MRPL30: variants seen among roughly 807,000 people sequenced by gnomAD.
MRPL30 encodes mitochondrial ribosomal protein L30, also known as large ribosomal subunit protein uL30m.
MRPL30 carries 10 observed loss-of-function variants against 17.2 expected under a neutral mutation model. The observed-to-expected ratio is 0.58, with a 90% CI of 0.36 to 0.99. The LOEUF is 0.99. Among genes scored for constraint, MRPL30 ranks in the 50% least tolerant of loss-of-function variants. The probability of loss-of-function intolerance (pLI) is 0.01; values close to 1 mark genes in which losing one functional copy is unlikely to be tolerated. For synonymous variants in MRPL30, 61 were observed against 62.1 expected (o/e 0.98, Z 0.08); for missense variants, 170 against 189.8 (o/e 0.90, Z 0.61).
Position 99,195,169 on chromosome 2 carries a change from A to C in MRPL30, c.333A>C (p.Lys111Asn). The C allele has an allele frequency of 1.2e-6, 2 of 1,608,446 alleles. No homozygotes were observed. The highest frequency in any genetic ancestry group is 1.1e-5 in the South Asian group (1 of 89,790). The change falls in exon 5 of 6, where the codon AAA (lysine) becomes AAC (asparagine). Residue 111 changes from lysine (K) to asparagine (N), a missense_variant. Transcript: ENST00000338148. ...KNIPSVNAKL[K>N]VVKHLIRIKP... ...TCCCTTCAGTGAATGCAAAATTGAA[A>C]GTAGTTAAGCATTTGATAAGGTTTG... is the stretch of plus-strand genomic sequence containing the variant.
chr2:99,183,340 G>A (rs1223507782), intron 1 of MRPL30, among the ~76,000 whole-genome samples: 1 of 152,098 alleles, frequency 6.6e-6, no homozygotes. Flanking sequence ...GAGCCCAGGC[G>A]GGCGGATCAC....
Position 99,195,679 on chromosome 2 carries a change from G to A in MRPL30, c.460G>A (p.Val154Met). 1.2e-6 allele frequency: 2 copies of A among 1,613,388 alleles called. No individual in the cohort carries two copies. The highest frequency in any genetic ancestry group is 1.3e-5 in the African/African-American group (1 of 74,976). Residue 154 changes from valine (V) to methionine (M), a missense_variant, in exon 6 of 6, where the codon GTG (valine) becomes ATG (methionine). Transcript: ENST00000338148. ...ELVVQWHLKP[V>M]EQKAHES ...AGTAGTGCAGTGGCATCTGAAACCT[G>A]TGGAGCAGAAAGCACATGAGTCCTA...
chr2:99,195,090 C>T (rs1461109391), intron 4 of MRPL30, 26 bp from the exon 5 acceptor site: 4 of 1,544,752 alleles, frequency 2.6e-6, no homozygotes, highest in African/African-American at 1.4e-5. Context: ...AGATTGATAA[C>T]GTTGCTTTGT....
At chr2:99,185,531 CA>C (rs371220561) in intron 1 of MRPL30, among the ~76,000 whole-genome samples, 450 of 152,244 alleles carry the variant, frequency 3.0e-3, no homozygotes, top group African/African-American at 0.01. Context: ...TAGTAGGCTA[CA>C]GTTGTTTTGT....
intron 1 of MRPL30, among the ~76,000 whole-genome samples, chr2:99,184,103 G>A (rs540084819): frequency 2.1e-5 from 3 of 143,784 alleles, no homozygotes; most frequent in Admixed American, 1.4e-4. Flanking sequence ...TATTTATTTT[G>A]GTTTGGATTA....
At chr2:99,182,699 G>C (rs1436480987) in intron 1 of MRPL30, among the ~76,000 whole-genome samples, 1 of 152,214 alleles carries the variant, frequency 6.6e-6, no homozygotes, top group Non-Finnish European at 1.5e-5. Context: ...CTAAAAACTT[G>C]TAACTTTTGA....
intron 1 of MRPL30, among the ~76,000 whole-genome samples, chr2:99,184,412 T>C (rs371186520): frequency 2.0e-5 from 3 of 152,168 alleles, no homozygotes. Context: ...CTGTAATTAC[T>C]TCTATATCCC....
At position 99,181,209 on chromosome 2, in the gene MRPL30, C is replaced by T. The variant is rs1033203160; in HGVS notation, c.-68C>T. The T allele has an allele frequency of 1.3e-5, 7 of 528,896 alleles. No homozygotes were observed. Among genetic ancestry groups the T allele is most frequent in the South Asian group, 2.8e-5 (1 of 35,168 alleles). The allele number at this position is 528,896 out of a possible 1,614,324, so 32.8% of individuals were successfully genotyped here. A position where few individuals can be genotyped will look rare whatever the true frequency, so the allele number is the denominator to read the frequency against. ...GTAGTTCTTCCTCTGCTCTGCTTCCCTTCGGAGGAAAATTTCAGGCTGAAG... is the reference window on the plus strand; with the variant it reads ...GTAGTTCTTCCTCTGCTCTGCTTCCTTTCGGAGGAAAATTTCAGGCTGAAG... On this transcript the variant is annotated 5_prime_UTR_variant, in exon 1 of 6. Transcript: ENST00000338148.
intron 2 of MRPL30, 111 bp downstream of exon 2, chr2:99,186,365 C>G: frequency 1.1e-6 from 1 of 949,190 alleles, no homozygotes; most frequent in Admixed American, 2.4e-5. Context: ...CGAAGTCTCT[C>G]TCTGTCACCC....
Position 99,196,709 on chromosome 2 carries a change from T to G in MRPL30, c.*1004T>G, listed in dbSNP as rs773229100. On this transcript the variant is annotated 3_prime_UTR_variant, in exon 6 of 6. Transcript: ENST00000338148. ...AAATCCAAAGCTGACCAAAACATGGTCCCCACCTTTTGGAGCTTACAGTCT... is the reference window on the plus strand; with the variant it reads ...AAATCCAAAGCTGACCAAAACATGGGCCCCACCTTTTGGAGCTTACAGTCT... The G allele has an allele frequency of 6.6e-6, 1 of 152,218 alleles. No homozygotes were observed. Among genetic ancestry groups the G allele is most frequent in the Non-Finnish European group, 1.5e-5 (1 of 68,040 alleles). 9.4% of individuals were successfully genotyped at this position (152,218 alleles called of 1,614,324 possible).
At position 99,195,145 on chromosome 2, in the gene MRPL30, C is replaced by A. The variant is rs1300837004; in HGVS notation, c.309C>A (p.Ile103=). The A allele has an allele frequency of 7.5e-6, 12 of 1,604,714 alleles. No homozygotes were observed. Among genetic ancestry groups the A allele is most frequent in the Non-Finnish European group, 9.3e-6 (11 of 1,177,222 alleles). Residue 103 remains isoleucine, a synonymous_variant, in exon 5 of 6, where the codon ATC becomes ATA. Transcript: ENST00000338148. The part of the protein sequence containing the change: ...KAHTPQVHKN[I]PSVNAKLKVV... ...ATACCCCTCAAGTTCACAAGAATATCCCTTCAGTGAATGCAAAATTGAAAG... is the reference window on the plus strand; with the variant it reads ...ATACCCCTCAAGTTCACAAGAATATACCTTCAGTGAATGCAAAATTGAAAG...
At chr2:99,194,695 G>C (rs749822849) in intron 3 of MRPL30, 56 bp from the exon 4 acceptor site, 12 of 1,466,302 alleles carry the variant, frequency 8.2e-6, no homozygotes, top group Non-Finnish European at 1.1e-5. Flanking sequence ...AAAATGGGAG[G>C]TACACAGAAA....
chr2:99,192,482 G>A (rs552986522), intron 3 of MRPL30, among the ~76,000 whole-genome samples: 5 of 152,164 alleles, frequency 3.3e-5, no homozygotes, highest in African/African-American at 7.2e-5. Flanking sequence ...GAGAACATGC[G>A]GTATTTGGTT....
At chr2:99,186,342 T>TA in intron 2 of MRPL30, 88 bp downstream of exon 2, 1 of 1,299,460 alleles carries the variant, frequency 7.7e-7, no homozygotes, top group Non-Finnish European at 1.1e-6. Flanking sequence ...TTCTTTTTTT[T>TA]ATTTTTTTGA....
intron 1 of MRPL30, among the ~76,000 whole-genome samples, chr2:99,182,685 G>A (rs1386175086): frequency 6.6e-6 from 1 of 152,256 alleles, no homozygotes; most frequent in Non-Finnish European, 1.5e-5. Context: ...GCGAGACTCT[G>A]TCTCTAAAAA....
chr2:99,181,675 C>A (rs2093922272), intron 1 of MRPL30, among the ~76,000 whole-genome samples: 1 of 151,580 alleles, frequency 6.6e-6, no homozygotes, highest in Admixed American at 6.6e-5. Context: ...ATGCAAACAT[C>A]CAAGAGTTGG....
At chr2:99,191,852 G>C (rs75980231) in intron 3 of MRPL30, among the ~76,000 whole-genome samples, 3 of 151,824 alleles carry the variant, frequency 2.0e-5, no homozygotes, top group African/African-American at 7.3e-5. Flanking sequence ...ATTACTTTTC[G>C]TGCTTTTTTC....
At chr2:99,183,841 G>C (rs1027541831) in intron 1 of MRPL30, among the ~76,000 whole-genome samples, 2 of 152,078 alleles carry the variant, frequency 1.3e-5, no homozygotes, top group Admixed American at 6.6e-5. Flanking sequence ...TGCTATTCCA[G>C]GATCCCATCC....
intron 3 of MRPL30, among the ~76,000 whole-genome samples, chr2:99,193,665 C>T (rs1387931877): frequency 6.6e-6 from 1 of 152,168 alleles, no homozygotes; most frequent in East Asian, 1.9e-4. Flanking sequence ...TTATGGCCAT[C>T]ATTCAATGTG....
Sources: allele counts gnomAD v4.1 joint callset (sites outside exome capture counted in the v4.1 genomes callset), GRCh38; gene constraint gnomAD v4.1.1; transcripts MANE v1.5; gene names NCBI Gene and HGNC (gene_info 2026-07-23, HGNC 2026-07-21).